SFMBT2: variants seen among roughly 807,000 people sequenced by gnomAD.
The protein encoded by SFMBT2 is scm-like with four MBT domains protein 2.
A neutral mutation model predicts 110.1 loss-of-function variants in SFMBT2; 38 were observed. That is an observed-to-expected ratio of 0.35 (90% CI 0.27 to 0.45). SFMBT2 has a LOEUF of 0.45. Ranked by LOEUF, SFMBT2 falls within the 20% of genes least tolerant of loss-of-function variation. The pLI is 1.00. For missense variants in SFMBT2, 1,011 were observed against 1,094.9 expected (o/e 0.92, Z 1.08); for synonymous variants, 425 against 425.4 (o/e 1.00, Z 0.01).
intron 6 of SFMBT2, among the ~76,000 whole-genome samples, chr10:7,281,999 C>T (rs1389065212): frequency 6.6e-6 from 1 of 152,130 alleles, no homozygotes; most frequent in African/African-American, 2.4e-5. Flanking sequence ...TGCATGCCAC[C>T]ATGCCTAGCC....
chr10:7,333,330 T>C (rs1171994543), intron 4 of SFMBT2, among the ~76,000 whole-genome samples: 3 of 151,906 alleles, frequency 2.0e-5, no homozygotes, highest in African/African-American at 7.3e-5. Flanking sequence ...CACACCATAA[T>C]GCCTGGCATA....
At chr10:7,256,899 C>T (rs1841024373) in intron 7 of SFMBT2, among the ~76,000 whole-genome samples, 2 of 152,086 alleles carry the variant, frequency 1.3e-5, no homozygotes, top group Admixed American at 6.6e-5. Flanking sequence ...TGAGAGCAGC[C>T]TGGCCTACAT....
intron 4 of SFMBT2, among the ~76,000 whole-genome samples, chr10:7,310,909 T>C (rs978971997): frequency 2.6e-5 from 4 of 152,010 alleles, no homozygotes; most frequent in Non-Finnish European, 5.9e-5. Flanking sequence ...TAACTGGGCA[T>C]GGTGGCGGAC....
intron 1 of SFMBT2, among the ~76,000 whole-genome samples, chr10:7,405,823 C>T (rs984637927): frequency 5.1e-5 from 4 of 78,012 alleles, no homozygotes; most frequent in Admixed American, 4.7e-4. Flanking sequence ...AGGCCCGATT[C>T]CCCCCCCGAC....
chr10:7,181,088 A>C (rs1838232731), intron 16 of SFMBT2, among the ~76,000 whole-genome samples: 1 of 152,044 alleles, frequency 6.6e-6, no homozygotes, highest in Admixed American at 6.5e-5. Context: ...AAAATACAAA[A>C]AACAGCTGGG....
At chr10:7,370,144 G>T in intron 3 of SFMBT2, 137 bp downstream of exon 3, 4 of 678,462 alleles carry the variant, frequency 5.9e-6, no homozygotes, top group South Asian at 5.4e-5. Flanking sequence ...TGGGATTACA[G>T]GTGTGAGCCA....
chr10:7,257,701 G>A (rs1316491450), intron 7 of SFMBT2, among the ~76,000 whole-genome samples: 5 of 152,144 alleles, frequency 3.3e-5, no homozygotes, highest in Non-Finnish European at 5.9e-5. Context: ...TTGAAGAACC[G>A]AAGCTTATGC....
intron 4 of SFMBT2, among the ~76,000 whole-genome samples, chr10:7,292,597 T>A (rs9329325): frequency 0.42 from 64,376 of 152,004 alleles, 14,057 homozygotes; most frequent in East Asian, 0.75. Flanking sequence ...CACACACACA[T>A]CCCTTAGTAC....
At chr10:7,249,199 T>C (rs1023303255) in intron 7 of SFMBT2, 7 of 260,652 alleles carry the variant, frequency 2.7e-5, no homozygotes, top group Non-Finnish European at 3.0e-5. Flanking sequence ...CAGGTAAGAA[T>C]CCAAACCTGC....
At chr10:7,180,419 G>A (rs1464788140) in intron 16 of SFMBT2, among the ~76,000 whole-genome samples, 2 of 151,876 alleles carry the variant, frequency 1.3e-5, no homozygotes, top group Non-Finnish European at 2.9e-5. Context: ...GATTACAGGC[G>A]TGAGTCACTG....
At chr10:7,251,576 G>GTT (rs1366453671) in intron 7 of SFMBT2, among the ~76,000 whole-genome samples, 1 of 152,250 alleles carries the variant, frequency 6.6e-6, no homozygotes, top group African/African-American at 2.4e-5. Context: ...CCCCATTTAA[G>GTT]TATAAACCCT....
intron 16 of SFMBT2, among the ~76,000 whole-genome samples, chr10:7,177,868 A>AAAAGAAG (rs545651948): frequency 3.3e-5 from 5 of 151,124 alleles, no homozygotes; most frequent in Non-Finnish European, 7.4e-5. Context: ...TTAAAAAAAA[A>AAAAGAAG]AAGAAGAAGA....
chr10:7,334,543 T>C (rs777352077), intron 4 of SFMBT2, among the ~76,000 whole-genome samples: 1 of 152,138 alleles, frequency 6.6e-6, no homozygotes, highest in African/African-American at 2.4e-5. Context: ...CAACAGAGTG[T>C]TTGTTCCTAA....
chr10:7,266,065 T>C (rs182172294), intron 7 of SFMBT2, among the ~76,000 whole-genome samples: 114 of 151,678 alleles, frequency 7.5e-4, no homozygotes, highest in African/African-American at 2.3e-3. Flanking sequence ...GAAGGGGAGA[T>C]AGTGGAACAG....
intron 4 of SFMBT2, chr10:7,287,460 A>G (rs939482582): frequency 4.1e-6 from 1 of 243,858 alleles, no homozygotes; most frequent in African/African-American, 2.3e-5. Context: ...TGAGGAAAGC[A>G]TATCTCTTTG....
At chr10:7,296,325 T>A (rs1190858281) in intron 4 of SFMBT2, among the ~76,000 whole-genome samples, 1 of 152,222 alleles carries the variant, frequency 6.6e-6, no homozygotes, top group Non-Finnish European at 1.5e-5. Context: ...AAACTAATTC[T>A]TACAGTTCTT....
At position 7,212,781 on chromosome 10, in the gene SFMBT2, A is replaced by G. The variant is rs555760647; in HGVS notation, c.1331-6853T>C. Among the ~76,000 whole-genome samples the G allele has an allele frequency of 1.2e-4, 18 of 152,350 alleles. No individual in the cohort carries two copies. The East Asian group carries it at 1.7e-3, about 15-fold the overall frequency. ...TACAGAGGATGGGTTGCTGAGTGTC[A>G]TGTTATGGAATTTAGTCTCTACTCG... On this transcript the variant is annotated intron_variant, in intron 11 of 20. Coordinates refer to ENST00000397167, the MANE Select transcript of SFMBT2 (RefSeq NM_001387889.1).
Position 7,227,931 on chromosome 10 carries a change from G to C in SFMBT2, c.1127C>G (p.Ser376Cys). The change falls in exon 10 of 21, where the codon TCT (serine) becomes TGT (cysteine). Residue 376 changes from serine to cysteine, a missense_variant. Physicochemically the swap from Ser to Cys is moderately radical, Grantham distance 112. This residue lies in a region of SFMBT2 where 979 missense variants were observed against 1,016.1 expected (regional missense o/e 0.96). Transcript: ENST00000397167. The part of the protein sequence containing the change: ...GVSLTPPKGY[S>C]GQDFDWADYH... The stretch of plus-strand genomic sequence containing the variant: ...ATCTGCCCAGTCGAAGTCCTGGCCA[G>C]AGTAACCTGGGAATGACAAAACACA... 1 of 1,587,800 alleles carries C rather than the reference G, an allele frequency of 6.3e-7. No individual in the cohort carries two copies.
intron 4 of SFMBT2, among the ~76,000 whole-genome samples, chr10:7,305,979 C>T (rs904872317): frequency 2.0e-5 from 3 of 152,252 alleles, no homozygotes; most frequent in Admixed American, 2.0e-4. Flanking sequence ...CAGTGTTACA[C>T]ATATTTGATA....
Sources: gnomAD v4.1 joint callset for allele counts (sites outside exome capture counted in the v4.1 genomes callset) on GRCh38, gnomAD v4.1.1 for gene constraint, gnomAD v4.1.1 regional missense constraint, MANE v1.5 for transcripts, NCBI Gene and HGNC (gene_info 2026-07-23, HGNC 2026-07-21) for gene names.